RSPO2: variants seen among roughly 807,000 people sequenced by gnomAD.
The protein encoded by RSPO2 is R-spondin 2, also known as R-spondin-2.
Under a neutral mutation model 30.9 loss-of-function variants are expected in RSPO2, and 14 were observed. That is an observed-to-expected ratio of 0.45 (90% CI 0.30 to 0.71). The LOEUF is 0.71. Among genes scored for constraint, RSPO2 ranks in the 30% least tolerant of loss-of-function variants. The pLI, the probability that RSPO2 is intolerant of heterozygous loss-of-function variation, is 0.08. For synonymous variants in RSPO2, 107 were observed against 96.4 expected, an observed-to-expected ratio of 1.11 and a Z score of -0.64; for missense variants, 264 against 301.9, an observed-to-expected ratio of 0.87 and a Z score of 0.93.
intron 2 of RSPO2, among the ~76,000 whole-genome samples, chr8:108,032,770 A>G (rs1811462774): frequency 6.6e-6 from 1 of 152,168 alleles, no homozygotes; most frequent in African/African-American, 2.4e-5. Context: ...AGCTACGTCT[A>G]CAGGATTATA....
In RSPO2 at chr8:107,900,811, A is replaced by G. The variant is rs1437340624; in HGVS notation, c.*264T>C. On this transcript the variant is annotated 3_prime_UTR_variant, in exon 6 of 6. Coordinates refer to ENST00000276659, the MANE Select transcript of RSPO2 (RefSeq NM_178565.5). ...GCAGCCTCACACCTCTAGCATGTCC[A>G]TGGTGCCGGGGACGGATTCTCTCAG... 1 of 342,572 alleles carries G rather than the reference A, an allele frequency of 2.9e-6. No individual in the cohort carries two copies. The highest frequency in any genetic ancestry group is 5.3e-6 in the Non-Finnish European group (1 of 189,328). 21.2% of individuals were successfully genotyped at this position (342,572 alleles called of 1,614,324 possible). A position where few individuals can be genotyped will look rare whatever the true frequency, so the allele number is the denominator to read the frequency against.
At chr8:108,018,377 A>G (rs754099846) in intron 2 of RSPO2, among the ~76,000 whole-genome samples, 31 of 152,316 alleles carry the variant, frequency 2.0e-4, no homozygotes, top group Middle Eastern at 3.4e-3. Flanking sequence ...ATATTAACCA[A>G]TATTTCCCAA....
chr8:108,075,209 G>A (rs981881704), intron 2 of RSPO2, among the ~76,000 whole-genome samples: 4 of 152,072 alleles, frequency 2.6e-5, no homozygotes, highest in East Asian at 3.9e-4. Flanking sequence ...AGCCGGGCAC[G>A]GTGGCTCACG....
At chr8:107,948,667 G>A (rs1813141872) in intron 5 of RSPO2, among the ~76,000 whole-genome samples, 1 of 152,000 alleles carries the variant, frequency 6.6e-6, no homozygotes, top group Admixed American at 6.6e-5. Flanking sequence ...AGACCATCCT[G>A]GCTAACACGG....
Position 108,082,570 on chromosome 8 carries a change from G to A in RSPO2, c.69C>T (p.Gly23=). The part of the protein sequence containing the change: ...LNCMDYSHCQ[G]NRWRRSKRAS... ...CTCGCTTACTGCGTCTCCATCGGTT[G>A]CCTTGGCAGTGGCTGTAATCCATGC... Residue 23 remains glycine, a synonymous_variant, in exon 2 of 6, where the codon GGC becomes GGT. Transcript: ENST00000276659. The A allele has an allele frequency of 1.9e-6, 3 of 1,614,138 alleles. No homozygotes were observed. The highest frequency in any genetic ancestry group is 2.5e-6 in the Non-Finnish European group (3 of 1,179,972).
chr8:107,965,623 C>T (rs899385227), intron 3 of RSPO2, among the ~76,000 whole-genome samples: 4 of 151,912 alleles, frequency 2.6e-5, no homozygotes, highest in African/African-American at 9.7e-5. Context: ...GGACCAATTT[C>T]TGTCCTGCCA....
At chr8:107,951,205 A>T (rs1157406033) in intron 5 of RSPO2, among the ~76,000 whole-genome samples, 1 of 152,022 alleles carries the variant, frequency 6.6e-6, no homozygotes, top group East Asian at 1.9e-4. Flanking sequence ...ACAGGCATGT[A>T]CCACCACACC....
intron 5 of RSPO2, among the ~76,000 whole-genome samples, chr8:107,937,076 T>C (rs1405909380): frequency 6.6e-6 from 1 of 152,034 alleles, no homozygotes; most frequent in Non-Finnish European, 1.5e-5. Flanking sequence ...ACCAATGTCT[T>C]AAAGTGTTTT....
At chr8:108,013,622 T>C (rs1586627809) in intron 2 of RSPO2, among the ~76,000 whole-genome samples, 1 of 152,326 alleles carries the variant, frequency 6.6e-6, no homozygotes, top group East Asian at 1.9e-4. Context: ...ATTTCATAAA[T>C]GGTGTTGGGA....
chr8:107,967,009 T>G (rs1372484832), intron 3 of RSPO2, among the ~76,000 whole-genome samples: 1 of 152,160 alleles, frequency 6.6e-6, no homozygotes, highest in Admixed American at 6.5e-5. Flanking sequence ...TTGCTCCAAC[T>G]GCTCTTATTT....
intron 5 of RSPO2, among the ~76,000 whole-genome samples, chr8:107,910,438 C>G (rs1811786391): frequency 6.6e-6 from 1 of 152,150 alleles, no homozygotes; most frequent in African/African-American, 2.4e-5. Flanking sequence ...AAGCCTAAGG[C>G]AGGAGGATTG....
intron 2 of RSPO2, among the ~76,000 whole-genome samples, chr8:108,063,613 A>G (rs1232601044): frequency 2.0e-5 from 3 of 151,878 alleles, no homozygotes; most frequent in Non-Finnish European, 4.4e-5. Flanking sequence ...TGCCCAAGGT[A>G]ATTTATAGAT....
chr8:107,915,300 G>T (rs568961424), intron 5 of RSPO2, among the ~76,000 whole-genome samples: 65 of 152,260 alleles, frequency 4.3e-4, no homozygotes, highest in African/African-American at 1.5e-3. Flanking sequence ...AAGGGAATCT[G>T]TAGCTCTATT....
intron 2 of RSPO2, among the ~76,000 whole-genome samples, chr8:107,995,277 T>TG (rs1814979029): frequency 6.6e-6 from 1 of 152,096 alleles, no homozygotes; most frequent in African/African-American, 2.4e-5. Context: ...CTGCAATTGT[T>TG]GGGGGGCAGA....
intron 2 of RSPO2, among the ~76,000 whole-genome samples, chr8:108,052,896 G>A (rs1812118583): frequency 6.6e-6 from 1 of 151,882 alleles, no homozygotes; most frequent in Non-Finnish European, 1.5e-5. Context: ...GGATCATATA[G>A]TCCAAACTTT....
At chr8:108,006,530 T>C (rs528654279) in intron 2 of RSPO2, among the ~76,000 whole-genome samples, 2 of 152,006 alleles carry the variant, frequency 1.3e-5, no homozygotes, top group South Asian at 2.1e-4. Context: ...GGAGAAGATA[T>C]TAAAATATAA....
At chr8:107,929,465 C>T (rs1202651638) in intron 5 of RSPO2, among the ~76,000 whole-genome samples, 1 of 152,114 alleles carries the variant, frequency 6.6e-6, no homozygotes, top group Non-Finnish European at 1.5e-5. Context: ...CTCTCACAAG[C>T]TTTAAATACA....
intron 2 of RSPO2, among the ~76,000 whole-genome samples, chr8:108,068,094 A>G (rs1812728905): frequency 6.6e-6 from 1 of 152,168 alleles, no homozygotes. Flanking sequence ...AAAAACAGCT[A>G]AACTGAATGT....
chr8:108,000,526 A>G (rs1815206258), intron 2 of RSPO2, among the ~76,000 whole-genome samples: 1 of 151,514 alleles, frequency 6.6e-6, no homozygotes, highest in African/African-American at 2.4e-5. Context: ...TACTTTTGAG[A>G]GTTTTGTGTT....
Sources: allele counts gnomAD v4.1 joint callset (sites outside exome capture counted in the v4.1 genomes callset), GRCh38; gene constraint gnomAD v4.1.1; transcripts MANE v1.5; gene names NCBI Gene and HGNC (gene_info 2026-07-23, HGNC 2026-07-21).